FRA10AC1: variants seen among roughly 807,000 people sequenced by gnomAD.
The protein encoded by FRA10AC1 is protein FRA10AC1.
In FRA10AC1, 43 loss-of-function variants were observed where a neutral mutation model predicts 56.5. The observed-to-expected ratio is 0.76, with a 90% CI of 0.60 to 0.98. The LOEUF is 0.98. FRA10AC1 is among the 50% of genes least tolerant of loss of function. The probability of loss-of-function intolerance (pLI) is 0.00; values close to 1 mark genes in which losing one functional copy is unlikely to be tolerated. For missense variants in FRA10AC1, 346 were observed against 351.8 expected (o/e 0.98, Z 0.13); for synonymous variants, 112 against 110.5 (o/e 1.01, Z -0.09).
chr10:93,675,662 G>A (rs1435854523), intron 12 of FRA10AC1: 4 of 372,868 alleles, frequency 1.1e-5, no homozygotes, highest in East Asian at 9.4e-5. Flanking sequence ...CTGAGATCGC[G>A]CCACTGCACT....
At chr10:93,683,955 C>G in intron 10 of FRA10AC1, 101 bp downstream of exon 10, 1 of 789,376 alleles carries the variant, frequency 1.3e-6, no homozygotes, top group South Asian at 1.7e-5. Context: ...TCAACCAATT[C>G]AACCATCAAC....
chr10:93,674,140 T>C (rs41290234), intron 12 of FRA10AC1: 3 of 152,318 alleles, frequency 2.0e-5, no homozygotes, highest in African/African-American at 4.8e-5. Flanking sequence ...ATACTTTAAA[T>C]ATATATATTT....
At chr10:93,682,130 T>C (rs1161986244) in intron 10 of FRA10AC1, among the ~76,000 whole-genome samples, 2 of 152,170 alleles carry the variant, frequency 1.3e-5, no homozygotes, top group Non-Finnish European at 2.9e-5. Flanking sequence ...CCACTTATAA[T>C]TTATACTCTT....
At chr10:93,698,052 G>T in intron 4 of FRA10AC1, 84 bp downstream of exon 4, 1 of 751,238 alleles carries the variant, frequency 1.3e-6, no homozygotes, top group South Asian at 2.5e-5. Context: ...AAGCCTATTT[G>T]ACTTCACAAG....
At chr10:93,692,965 G>C (rs1263304321) in intron 5 of FRA10AC1, among the ~76,000 whole-genome samples, 1 of 152,036 alleles carries the variant, frequency 6.6e-6, no homozygotes, top group African/African-American at 2.4e-5. Context: ...TGTAGCATTG[G>C]TTTCAATTAT....
At chr10:93,680,127 A>C (rs1424939579) in intron 11 of FRA10AC1, among the ~76,000 whole-genome samples, 1 of 152,204 alleles carries the variant, frequency 6.6e-6, no homozygotes, top group Non-Finnish European at 1.5e-5. Context: ...AACATTTTAT[A>C]AAGTAGAGAC....
intron 12 of FRA10AC1, 78 bp downstream of exon 12, chr10:93,676,575 C>T: frequency 6.8e-7 from 1 of 1,459,998 alleles, no homozygotes; most frequent in Non-Finnish European, 9.0e-7. Flanking sequence ...CACATCACAG[C>T]AAGATACGAT....
At chr10:93,669,910 A>C in intron 13 of FRA10AC1, 42 bp from the exon 14 acceptor site, 1 of 1,070,260 alleles carries the variant, frequency 9.3e-7, no homozygotes, top group South Asian at 1.4e-5. Context: ...ATAGAGTAAA[A>C]AAATTACTAC....
chr10:93,684,009 T>A, intron 10 of FRA10AC1, 47 bp downstream of exon 10: 2 of 1,248,004 alleles, frequency 1.6e-6, no homozygotes, highest in Non-Finnish European at 2.3e-6. Context: ...TAAATGACTA[T>A]ATCCTGGATT....
intron 6 of FRA10AC1, among the ~76,000 whole-genome samples, chr10:93,692,347 A>G (rs1390615568): frequency 6.6e-6 from 1 of 152,198 alleles, no homozygotes; most frequent in East Asian, 1.9e-4. Context: ...TTGGATTTAA[A>G]AAAACATTTT....
chr10:93,699,603 G>A (rs774964826), intron 2 of FRA10AC1, among the ~76,000 whole-genome samples: 3 of 152,186 alleles, frequency 2.0e-5, no homozygotes, highest in East Asian at 1.9e-4. Context: ...GCTCATTCAC[G>A]TATGCGTAAG....
intron 5 of FRA10AC1, among the ~76,000 whole-genome samples, chr10:93,693,545 TATAC>T (rs1435384808): frequency 1.5e-5 from 2 of 131,180 alleles, no homozygotes; most frequent in Non-Finnish European, 1.6e-5. Flanking sequence ...TATATATATA[TATAC>T]ACACATACAT....
intron 13 of FRA10AC1, 52 bp from the exon 14 acceptor site, chr10:93,669,920 C>T (rs1589710899): frequency 3.2e-6 from 3 of 930,294 alleles, no homozygotes; most frequent in East Asian, 5.1e-5. Context: ...AAAATTACTA[C>T]ATGATACATT....
intron 5 of FRA10AC1, among the ~76,000 whole-genome samples, chr10:93,693,493 T>C (rs2059160908): frequency 4.9e-5 from 2 of 40,876 alleles, no homozygotes; most frequent in South Asian, 1.8e-3. Context: ...TATATATATA[T>C]ATATATATAT....
In FRA10AC1 at chr10:93,669,828, A is replaced by T. The variant is rs1302697633; in HGVS notation, c.946T>A (p.Ter316ArgextTer67). ...FDEYFQDLFL* is the reference protein window; with the variant it reads ...FDEYFQDLFLR ...AGCGGAGGCTTCTCTCTCTCGTCTC[A>T]TAGAAACAAATCCTGAAAATACTCA... Residue 316 changes from the stop codon to arginine, a stop_lost, in exon 14 of 14, where the codon TGA becomes AGA. Transcript: ENST00000359204. 1 of 1,579,350 alleles carries T rather than the reference A, an allele frequency of 6.3e-7. No individual in the cohort carries two copies. The highest frequency in any genetic ancestry group is 1.4e-5 in the African/African-American group (1 of 73,456).
chr10:93,699,022 CTGTAGT>C (rs1406004143), intron 2 of FRA10AC1, among the ~76,000 whole-genome samples: 13 of 152,312 alleles, frequency 8.5e-5, no homozygotes, highest in Middle Eastern at 3.4e-3. Flanking sequence ...GTGTGCTCCA[CTGTAGT>C]ACGTGGCCCA....
Position 93,692,063 on chromosome 10 carries a change from A to C in FRA10AC1, c.411T>G (p.Asp137Glu). The change falls in exon 7 of 14, where the codon GAT becomes GAG. Residue 137 changes from aspartate (D) to glutamate (E), a missense_variant. Asp to Glu is a conservative substitution (Grantham distance 45). Coordinates refer to ENST00000359204, the MANE Select transcript of FRA10AC1 (RefSeq NM_145246.5). ...CTATGCAGTATTCCTTAAATAATTT[A>C]TCATAGTATTTCTTAGCAAGTCTCT... Reference protein sequence around the residue: ...WEKRLAKKYYDKLFKEYCIAD... With the variant: ...WEKRLAKKYYEKLFKEYCIAD... 1 of 1,559,310 alleles carries C rather than the reference A, an allele frequency of 6.4e-7. No homozygotes were observed. The highest frequency in any genetic ancestry group is 8.6e-7 in the Non-Finnish European group (1 of 1,157,878).
intron 7 of FRA10AC1, 94 bp from the exon 8 acceptor site, chr10:93,687,543 A>T: frequency 1.8e-6 from 2 of 1,133,574 alleles, no homozygotes; most frequent in Non-Finnish European, 2.4e-6. Context: ...CAACCTAAAA[A>T]ATAAATGTAA....
chr10:93,698,234 C>T, intron 3 of FRA10AC1, 53 bp from the exon 4 acceptor site: 10 of 1,503,384 alleles, frequency 6.7e-6, no homozygotes, highest in Non-Finnish European at 9.2e-6. Context: ...TTCAAATTAA[C>T]ATAATCAAAT....
Sources: gnomAD v4.1 joint callset for allele counts (sites outside exome capture counted in the v4.1 genomes callset) on GRCh38, gnomAD v4.1.1 for gene constraint, MANE v1.5 for transcripts, NCBI Gene and HGNC (gene_info 2026-07-23, HGNC 2026-07-21) for gene names.